The following PARD3 variants were observed in gnomAD, a reference collection of about 807,000 sequenced individuals.
PARD3 encodes par-3 family cell polarity regulator, also known as partitioning defective 3 homolog.
Under a neutral mutation model 155.4 loss-of-function variants are expected in PARD3, and 75 were observed. The observed-to-expected ratio is 0.48, with a 90% CI of 0.40 to 0.58. The LOEUF (loss-of-function observed/expected upper bound fraction) is 0.58. Ranked by LOEUF, PARD3 falls within the 20% of genes least tolerant of loss-of-function variation. The pLI is 0.00. For synonymous variants in PARD3, 576 were observed against 610.5 expected (o/e 0.94, Z 0.83); for missense variants, 1,642 against 1,721.7 (o/e 0.95, Z 0.82).
chr10:34,312,567 T>G (rs923626436), intron 20 of PARD3, among the ~76,000 whole-genome samples: 2 of 152,210 alleles, frequency 1.3e-5, no homozygotes, highest in African/African-American at 4.8e-5. Context: ...AAGAGAGCAA[T>G]AAATCTGATT....
chr10:34,688,446 G>A (rs1424351308), intron 2 of PARD3, among the ~76,000 whole-genome samples: 2 of 152,198 alleles, frequency 1.3e-5, no homozygotes, highest in Non-Finnish European at 2.9e-5. Context: ...GCTCTAAATG[G>A]TGGTGAAGAT....
At chr10:34,550,225 C>A (rs2084430994) in intron 2 of PARD3, among the ~76,000 whole-genome samples, 1 of 152,134 alleles carries the variant, frequency 6.6e-6, no homozygotes, top group African/African-American at 2.4e-5. Flanking sequence ...CATGTGCCCT[C>A]CACCTTTTAT....
chr10:34,648,927 T>C (rs1590398933), intron 2 of PARD3, among the ~76,000 whole-genome samples: 1 of 152,138 alleles, frequency 6.6e-6, no homozygotes, highest in Non-Finnish European at 1.5e-5. Context: ...CACTTACAAA[T>C]GAATCCTCCA....
At chr10:34,353,918 G>A (rs1838487790) in intron 14 of PARD3, among the ~76,000 whole-genome samples, 1 of 151,468 alleles carries the variant, frequency 6.6e-6, no homozygotes, top group East Asian at 1.9e-4. Context: ...ACAATGGGAA[G>A]CCATCTCTTT....
intron 1 of PARD3, among the ~76,000 whole-genome samples, chr10:34,726,289 A>C (rs1015299795): frequency 2.6e-5 from 4 of 152,026 alleles, no homozygotes; most frequent in African/African-American, 9.7e-5. Context: ...GTCTCTATTA[A>C]AAACACAAAA....
At chr10:34,698,700 C>G (rs2095655119) in intron 1 of PARD3, among the ~76,000 whole-genome samples, 1 of 152,228 alleles carries the variant, frequency 6.6e-6, no homozygotes, top group Non-Finnish European at 1.5e-5. Flanking sequence ...AGCCACTGAG[C>G]CCAGCCTGTC....
chr10:34,558,968 T>C (rs2085241445), intron 2 of PARD3, among the ~76,000 whole-genome samples: 2 of 151,970 alleles, frequency 1.3e-5, no homozygotes, highest in Admixed American at 1.3e-4. Flanking sequence ...AGTAAGTAAG[T>C]AAATAAATAA....
intron 5 of PARD3, 106 bp from the exon 6 acceptor site, chr10:34,402,023 G>T: frequency 1.1e-6 from 1 of 879,600 alleles, no homozygotes; most frequent in Non-Finnish European, 1.9e-6. Flanking sequence ...TATGATCTTG[G>T]TAACTGTTTC....
intron 1 of PARD3, among the ~76,000 whole-genome samples, chr10:34,734,900 T>C (rs2094884791): frequency 6.6e-6 from 1 of 151,996 alleles, no homozygotes; most frequent in South Asian, 2.1e-4. Flanking sequence ...TATATGCCAT[T>C]TTAAAAAGTT....
intron 2 of PARD3, among the ~76,000 whole-genome samples, chr10:34,542,264 C>T (rs2083693502): frequency 6.6e-6 from 1 of 150,486 alleles, no homozygotes; most frequent in South Asian, 2.1e-4. Flanking sequence ...CTTGCATTTA[C>T]CCACTGGGCT....
intron 2 of PARD3, among the ~76,000 whole-genome samples, chr10:34,517,919 C>G (rs2081890956): frequency 6.6e-6 from 1 of 152,168 alleles, no homozygotes; most frequent in South Asian, 2.1e-4. Context: ...CACTGAGACG[C>G]CCAGGCTGGA....
intron 1 of PARD3, among the ~76,000 whole-genome samples, chr10:34,719,665 A>T (rs1246451211): frequency 6.6e-6 from 1 of 152,156 alleles, no homozygotes; most frequent in East Asian, 1.9e-4. Context: ...ATAACCCTCA[A>T]ACCATGCCCC....
intron 20 of PARD3, among the ~76,000 whole-genome samples, chr10:34,287,279 A>C (rs1381790439): frequency 6.6e-6 from 1 of 152,190 alleles, no homozygotes; most frequent in Admixed American, 6.5e-5. Context: ...AGGTATTCCG[A>C]AGGTAAACCA....
At chr10:34,519,885 A>ATAAC (rs1564804158) in intron 2 of PARD3, among the ~76,000 whole-genome samples, 85 of 106,710 alleles carry the variant, frequency 8.0e-4, no homozygotes, top group African/African-American at 2.3e-3. Flanking sequence ...CATAACATAA[A>ATAAC]AATAGAAAAT....
chr10:34,523,250 GT>G (rs1292184973), intron 2 of PARD3, among the ~76,000 whole-genome samples: 1 of 152,098 alleles, frequency 6.6e-6, no homozygotes, highest in Non-Finnish European at 1.5e-5. Flanking sequence ...AGACCTCTAG[GT>G]TCAAACTCCA....
chr10:34,432,168 G>A (rs182413157), intron 5 of PARD3, among the ~76,000 whole-genome samples: 1 of 151,518 alleles, frequency 6.6e-6, no homozygotes, highest in East Asian at 1.9e-4. Context: ...ACTTGCAGGT[G>A]AGGAAATCCA....
At chr10:34,319,428 C>A (rs548947180) in intron 19 of PARD3, among the ~76,000 whole-genome samples, 1 of 152,056 alleles carries the variant, frequency 6.6e-6, no homozygotes. Flanking sequence ...CTCTGAACTG[C>A]GAGTTATCTC....
intron 2 of PARD3, among the ~76,000 whole-genome samples, chr10:34,542,252 C>CAT (rs2083691611): frequency 6.9e-6 from 1 of 143,904 alleles, no homozygotes; most frequent in East Asian, 2.1e-4. Flanking sequence ...CACACACACA[C>CAT]GCTTGCATTT....
At position 34,110,567 on chromosome 10, in the gene PARD3, T is replaced by C. The variant is rs1428488300; in HGVS notation, c.*602A>G. ...TAAGGCAGTTACAAAAGGACCCCCA[T>C]GGTGACCAAACAATGTTGGACTATG... On this transcript the variant is annotated 3_prime_UTR_variant, in exon 25 of 25. Coordinates refer to ENST00000374788, the MANE Select transcript of PARD3 (RefSeq NM_001184785.2). 2 of 152,224 alleles carry C rather than the reference T, an allele frequency of 1.3e-5. No homozygotes were observed. The highest frequency in any genetic ancestry group is 2.9e-5 in the Non-Finnish European group (2 of 68,106). 9.4% of individuals were successfully genotyped at this position (152,224 alleles called of 1,614,324 possible). A position where few individuals can be genotyped will look rare whatever the true frequency, so the allele number is the denominator to read the frequency against.
Sources: allele counts gnomAD v4.1 joint callset (sites outside exome capture counted in the v4.1 genomes callset), GRCh38; gene constraint gnomAD v4.1.1; transcripts MANE v1.5; gene names NCBI Gene and HGNC (gene_info 2026-07-23, HGNC 2026-07-21).